The following GALNT17 variants were observed in gnomAD, a reference collection of about 807,000 sequenced individuals.
The protein encoded by GALNT17 is polypeptide N-acetylgalactosaminyltransferase 17.
Under a neutral mutation model 63.7 loss-of-function variants are expected in GALNT17, and 29 were observed. That is an observed-to-expected ratio of 0.46 (90% confidence interval 0.34 to 0.62). The LOEUF (loss-of-function observed/expected upper bound fraction) is 0.62, where lower values mean the gene tolerates loss of function less well. GALNT17 is among the 20% of genes least tolerant of loss of function. GALNT17 has a pLI of 0.01. For synonymous variants in GALNT17, 305 were observed against 318.3 expected (o/e 0.96, Z 0.45); for missense variants, 603 against 799.6 (o/e 0.75, Z 2.97).
chr7:71,416,235 A>G (rs1793524361), intron 4 of GALNT17, among the ~76,000 whole-genome samples, 172 bp downstream of exon 4: 1 of 152,236 alleles, frequency 6.6e-6, no homozygotes, highest in Non-Finnish European at 1.5e-5. Context: ...GCTAGGGAGC[A>G]GGGAGAAATT....
In GALNT17 at chr7:71,132,602, G is replaced by GT. The variant is rs1325323944; in HGVS notation, c.-200dup. On this transcript the variant is annotated 5_prime_UTR_variant, in exon 1 of 11. It removes the in-frame stop codon of an upstream open reading frame in the 5' UTR. Transcript: ENST00000333538. Reference sequence around the variant, plus strand: ...ACTTCTGCAGAGCGAGGACTTCCATGTGAGCGATTCCGTTCTCCCCACCAC... The same window carrying GT: ...ACTTCTGCAGAGCGAGGACTTCCATGTTGAGCGATTCCGTTCTCCCCACCAC... 2 of 563,358 alleles carry GT rather than the reference G, an allele frequency of 3.6e-6. No homozygotes were observed. The highest frequency in any genetic ancestry group is 6.2e-6 in the Non-Finnish European group (2 of 320,212). 34.9% of individuals were successfully genotyped at this position (563,358 alleles called of 1,614,324 possible).
intron 5 of GALNT17, among the ~76,000 whole-genome samples, chr7:71,429,773 C>G (rs1241926145): frequency 2.6e-5 from 4 of 152,208 alleles, no homozygotes. Context: ...GTGGCACCAT[C>G]TCAGCTCATT....
chr7:71,473,330 T>A (rs1452862841), intron 5 of GALNT17, among the ~76,000 whole-genome samples: 1 of 152,190 alleles, frequency 6.6e-6, no homozygotes, highest in African/African-American at 2.4e-5. Flanking sequence ...AGCTAATCCC[T>A]TCTAGACCTG....
intron 5 of GALNT17, among the ~76,000 whole-genome samples, chr7:71,442,315 G>A (rs1293146699): frequency 1.3e-5 from 2 of 152,078 alleles, no homozygotes; most frequent in Non-Finnish European, 2.9e-5. Context: ...TCCTGCCTCA[G>A]CCTCCTGAGT....
chr7:71,490,433 G>A (rs1005818434), intron 5 of GALNT17, among the ~76,000 whole-genome samples: 1 of 152,106 alleles, frequency 6.6e-6, no homozygotes, highest in African/African-American at 2.4e-5. Context: ...AGCCTACAGA[G>A]ACCCCCTTAA....
At chr7:71,227,977 T>C (rs1323281958) in intron 1 of GALNT17, among the ~76,000 whole-genome samples, 2 of 152,094 alleles carry the variant, frequency 1.3e-5, no homozygotes, top group Non-Finnish European at 2.9e-5. Context: ...CCTTCTTCCC[T>C]GGATATGCAT....
intron 1 of GALNT17, among the ~76,000 whole-genome samples, chr7:71,275,629 T>C (rs777147732): frequency 6.6e-6 from 1 of 152,122 alleles, no homozygotes; most frequent in African/African-American, 2.4e-5. Context: ...GGCAGTTCCA[T>C]GGGGGACACA....
At chr7:71,364,149 C>T (rs1792458206) in intron 2 of GALNT17, among the ~76,000 whole-genome samples, 1 of 152,108 alleles carries the variant, frequency 6.6e-6, no homozygotes, top group Non-Finnish European at 1.5e-5. Flanking sequence ...TTTTATCCCT[C>T]ACCTCCCCTC....
intron 5 of GALNT17, among the ~76,000 whole-genome samples, chr7:71,538,786 T>G (rs535299475): frequency 6.6e-6 from 1 of 150,908 alleles, no homozygotes; most frequent in Non-Finnish European, 1.5e-5. Context: ...CATCTTCTAT[T>G]GAAGGGAGGA....
intron 6 of GALNT17, among the ~76,000 whole-genome samples, chr7:71,639,576 T>C (rs949743375): frequency 2.0e-5 from 3 of 152,164 alleles, no homozygotes; most frequent in Admixed American, 6.5e-5. Context: ...AACTCCCTGC[T>C]ACCTCTGCCA....
chr7:71,398,764 G>T (rs1012355276), intron 3 of GALNT17, among the ~76,000 whole-genome samples: 1 of 152,188 alleles, frequency 6.6e-6, no homozygotes, highest in Non-Finnish European at 1.5e-5. Context: ...GATGATGATC[G>T]CACAATAATA....
intron 6 of GALNT17, among the ~76,000 whole-genome samples, chr7:71,628,048 G>A (rs755068482): frequency 7.1e-5 from 10 of 140,468 alleles, no homozygotes; most frequent in Non-Finnish European, 1.2e-4. Context: ...ATTTCATAGT[G>A]GGAGCAGGTA....
chr7:71,411,264 G>T (rs1384633600), intron 3 of GALNT17, among the ~76,000 whole-genome samples: 2 of 152,092 alleles, frequency 1.3e-5, no homozygotes, highest in Non-Finnish European at 1.5e-5. Context: ...GGGGTTACAG[G>T]CATGTGCCAC....
At chr7:71,428,268 C>G (rs761629270) in intron 5 of GALNT17, among the ~76,000 whole-genome samples, 1 of 152,178 alleles carries the variant, frequency 6.6e-6, no homozygotes, top group Non-Finnish European at 1.5e-5. Context: ...TCCCACCAAA[C>G]AGTGAAGGCT....
At chr7:71,483,488 A>G (rs1219017270) in intron 5 of GALNT17, among the ~76,000 whole-genome samples, 1 of 151,970 alleles carries the variant, frequency 6.6e-6, no homozygotes, top group Non-Finnish European at 1.5e-5. Context: ...AAAGGAAAGA[A>G]AGAAAATGTG....
chr7:71,361,267 TAAATAAA>T (rs988013491), intron 2 of GALNT17, among the ~76,000 whole-genome samples: 19 of 152,154 alleles, frequency 1.2e-4, no homozygotes, highest in Admixed American at 1.1e-3. Flanking sequence ...AAATACAAAA[TAAATAAA>T]AAATAAAAAA....
At chr7:71,162,970 G>A (rs1788375610) in intron 1 of GALNT17, among the ~76,000 whole-genome samples, 2 of 152,222 alleles carry the variant, frequency 1.3e-5, no homozygotes, top group Non-Finnish European at 2.9e-5. Flanking sequence ...TGGAGGACAA[G>A]TGTAGAAGCA....
At chr7:71,209,678 T>A (rs980372224) in intron 1 of GALNT17, among the ~76,000 whole-genome samples, 1 of 152,138 alleles carries the variant, frequency 6.6e-6, no homozygotes, top group Non-Finnish European at 1.5e-5. Flanking sequence ...CTATTTTTTG[T>A]AGAGTCAGCG....
chr7:71,551,598 T>TA (rs202243673), intron 5 of GALNT17, among the ~76,000 whole-genome samples: 12 of 151,720 alleles, frequency 7.9e-5, no homozygotes, highest in Middle Eastern at 6.8e-3. Flanking sequence ...TACTGTCTCT[T>TA]AAAAAAAATA....
Sources: gnomAD v4.1 joint callset for allele counts (sites outside exome capture counted in the v4.1 genomes callset) on GRCh38, gnomAD v4.1.1 for gene constraint, MANE v1.5 for transcripts, NCBI Gene and HGNC (gene_info 2026-07-23, HGNC 2026-07-21) for gene names.